The following PRCC variants were observed in gnomAD, a reference collection of about 807,000 sequenced individuals.
The protein encoded by PRCC is proline rich mitotic checkpoint control factor, also known as proline-rich protein PRCC.
PRCC carries 10 observed loss-of-function variants against 44.0 expected under a neutral mutation model. The observed-to-expected ratio is 0.23, with a 90% CI of 0.14 to 0.39. The LOEUF is 0.39. Among genes scored for constraint, PRCC ranks in the 10% least tolerant of loss-of-function variants. The probability of loss-of-function intolerance (pLI) is 1.00; values close to 1 mark genes in which losing one functional copy is unlikely to be tolerated. For synonymous variants in PRCC, 278 were observed against 259.5 expected, an observed-to-expected ratio of 1.07 and a Z score of -0.69; for missense variants, 573 against 624.7, an observed-to-expected ratio of 0.92 and a Z score of 0.88.
At chr1:156,783,946 A>AT (rs1652140707) in intron 2 of PRCC, among the ~76,000 whole-genome samples, 2 of 122,916 alleles carry the variant, frequency 1.6e-5, no homozygotes, top group East Asian at 4.1e-4. Flanking sequence ...TTATTTATTT[A>AT]ATTTTTTTTT....
At chr1:156,795,288 T>G (rs1252647349) in intron 5 of PRCC, among the ~76,000 whole-genome samples, 3 of 49,212 alleles carry the variant, frequency 6.1e-5, no homozygotes, top group Admixed American at 2.5e-4. Context: ...TTCTGGTGTT[T>G]TTTTTTTTTT....
chr1:156,779,122 ATATATATTTTTTTTTTT>A (rs1397835056), intron 1 of PRCC, among the ~76,000 whole-genome samples: 6 of 19,726 alleles, frequency 3.0e-4, no homozygotes, highest in Non-Finnish European at 4.3e-4. Flanking sequence ...ATATATATAT[ATATATATTTTTTTTTTT>A]TTTTTTTTTT....
chr1:156,792,435 T>A (rs1427048598), intron 4 of PRCC, among the ~76,000 whole-genome samples: 3 of 152,008 alleles, frequency 2.0e-5, no homozygotes, highest in Non-Finnish European at 4.4e-5. Context: ...TCTAGTTGTT[T>A]GTGTTTTTTT....
At chr1:156,779,090 C>T (rs1436309266) in intron 1 of PRCC, among the ~76,000 whole-genome samples, 5 of 119,096 alleles carry the variant, frequency 4.2e-5, no homozygotes, top group East Asian at 2.4e-4. Context: ...TGAGCCACCG[C>T]GCCCGGCCGG....
intron 6 of PRCC, among the ~76,000 whole-genome samples, chr1:156,799,261 C>T (rs1478603741): frequency 6.6e-6 from 1 of 152,070 alleles, no homozygotes; most frequent in Non-Finnish European, 1.5e-5. Context: ...CACAACATAC[C>T]TTTTTCTTAG....
chr1:156,780,076 A>T (rs1279516717), intron 1 of PRCC, among the ~76,000 whole-genome samples: 1 of 151,586 alleles, frequency 6.6e-6, no homozygotes, highest in Non-Finnish European at 1.5e-5. Flanking sequence ...ATTTATTTTG[A>T]GATGGAGTTT....
chr1:156,786,690 T>G lies in PRCC; in HGVS notation c.599T>G (p.Leu200Arg). ...GTGAAAGAGACTAACAGGTTGCTCC[T>G]GCCCCATGCCTTCTCCCGCAAACCC... ...LTVKETNRLLLPHAFSRKPSD... is the reference protein window; with the variant it reads ...LTVKETNRLLRPHAFSRKPSD... The change falls in exon 3 of 7, where the codon CTG becomes CGG. Residue 200 changes from leucine to arginine, a missense_variant. This residue lies in a region of PRCC where 118 missense variants were observed against 166.7 expected (regional missense o/e 0.71). Transcript: ENST00000271526. 1 of 1,614,210 alleles carries G rather than the reference T, an allele frequency of 6.2e-7. No homozygotes were observed.
chr1:156,793,720 A>G (rs1652567506), intron 4 of PRCC, among the ~76,000 whole-genome samples: 1 of 151,904 alleles, frequency 6.6e-6, no homozygotes, highest in Admixed American at 6.6e-5. Flanking sequence ...GGGGCTTGGA[A>G]TTTTATTTTT....
chr1:156,795,899 G>A (rs1251483637), intron 5 of PRCC: 3 of 152,196 alleles, frequency 2.0e-5, no homozygotes, highest in African/African-American at 4.8e-5. Flanking sequence ...GGAAAACCCT[G>A]GACTTGAGCC....
intron 2 of PRCC, among the ~76,000 whole-genome samples, chr1:156,784,009 C>T (rs1380821484): frequency 2.7e-5 from 4 of 150,618 alleles, no homozygotes; most frequent in Non-Finnish European, 5.9e-5. Context: ...TGCAGTGGTG[C>T]GATCTTGGCT....
chr1:156,782,059 TA>T (rs1652066600), intron 1 of PRCC, among the ~76,000 whole-genome samples: 3 of 152,164 alleles, frequency 2.0e-5, no homozygotes. Context: ...GGGAATTGAG[TA>T]ATCAAGGGAG....
At chr1:156,787,489 ATATATATATC>A (rs1275855533) in intron 3 of PRCC, among the ~76,000 whole-genome samples, 19 of 63,004 alleles carry the variant, frequency 3.0e-4, no homozygotes, top group African/African-American at 1.0e-3. Context: ...ATATATATAT[ATATATATATC>A]TGTTTTTTTT....
chr1:156,769,941 GTC>G (rs1016250009), intron 1 of PRCC, among the ~76,000 whole-genome samples: 2 of 151,390 alleles, frequency 1.3e-5, no homozygotes, highest in Non-Finnish European at 2.9e-5. Context: ...ACACCTGAGA[GTC>G]TCTCATCCTA....
At chr1:156,796,082 T>A (rs1426380479) in intron 5 of PRCC, 1 of 152,144 alleles carries the variant, frequency 6.6e-6, no homozygotes, top group Non-Finnish European at 1.5e-5. Flanking sequence ...CATAGATCCA[T>A]CACTGTTTAC....
At chr1:156,797,204 A>G (rs1017070934) in intron 5 of PRCC, 72 bp from the exon 6 acceptor site, 2 of 1,594,340 alleles carry the variant, frequency 1.3e-6, no homozygotes, top group South Asian at 1.1e-5. Flanking sequence ...CCCTAACACC[A>G]CACCATCTGG....
intron 1 of PRCC, among the ~76,000 whole-genome samples, chr1:156,779,243 C>T (rs1204132177): frequency 6.8e-6 from 1 of 146,268 alleles, no homozygotes; most frequent in Non-Finnish European, 1.5e-5. Flanking sequence ...TAACTTCCAC[C>T]TCCCAGGCTC....
At chr1:156,780,213 A>G (rs1355156926) in intron 1 of PRCC, among the ~76,000 whole-genome samples, 1 of 151,706 alleles carries the variant, frequency 6.6e-6, no homozygotes, top group Non-Finnish European at 1.5e-5. Flanking sequence ...ATGTGCCACC[A>G]CACCCGGCTA....
chr1:156,799,702 G>A (rs754507173), intron 6 of PRCC, among the ~76,000 whole-genome samples: 1 of 152,214 alleles, frequency 6.6e-6, no homozygotes, highest in Non-Finnish European at 1.5e-5. Context: ...AAGGAGATGA[G>A]CAGGCATCAG....
chr1:156,785,314 A>G (rs1652198969), intron 2 of PRCC, among the ~76,000 whole-genome samples: 1 of 152,114 alleles, frequency 6.6e-6, no homozygotes, highest in Non-Finnish European at 1.5e-5. Flanking sequence ...GTTGAAGACC[A>G]GCCTGGCCAA....
Sources: allele counts gnomAD v4.1 joint callset (sites outside exome capture counted in the v4.1 genomes callset), GRCh38; gene constraint gnomAD v4.1.1; regional missense constraint gnomAD v4.1.1; transcripts MANE v1.5; gene names NCBI Gene and HGNC (gene_info 2026-07-23, HGNC 2026-07-21).